Variants in ATP9A observed in about 807,000 individuals in gnomAD.
The protein encoded by ATP9A is probable phospholipid-transporting ATPase IIA.
Under a neutral mutation model 144.1 loss-of-function variants are expected in ATP9A, and 52 were observed. The ratio of observed to expected loss-of-function variants is 0.36; its 90% CI spans 0.29 to 0.45. The LOEUF is 0.45. Among genes scored for constraint, ATP9A ranks in the 20% least tolerant of loss-of-function variants. The pLI is 1.00. For missense variants in ATP9A, 947 were observed against 1,392.7 expected, an observed-to-expected ratio of 0.68 and a Z score of 5.09; for synonymous variants, 582 against 557.4, an observed-to-expected ratio of 1.04 and a Z score of -0.62.
intron 1 of ATP9A, among the ~76,000 whole-genome samples, chr20:51,757,912 AAAG>A (rs2077863510): frequency 6.6e-6 from 1 of 152,156 alleles, no homozygotes; most frequent in African/African-American, 2.4e-5. Context: ...AAAAAAAAAA[AAAG>A]GTTTTAAATG....
chr20:51,761,652 C>T (rs1468584029), intron 1 of ATP9A, among the ~76,000 whole-genome samples: 4 of 151,694 alleles, frequency 2.6e-5, no homozygotes, highest in East Asian at 3.9e-4. Context: ...CCCAGCTACT[C>T]GGGAGGCTGA....
chr20:51,670,003 G>C lies in ATP9A; in HGVS notation c.1287C>G (p.Tyr429Ter), dbSNP rs762957499. The change falls in exon 13 of 28, where the codon TAC (tyrosine) becomes TAG (stop). Residue 429 changes from tyrosine to a stop codon, truncating the protein, a stop_gained. Transcript: ENST00000338821. LOFTEE classifies it high-confidence loss of function. Reference sequence around the variant, plus strand: ...TTGAAATGGAAGGCTTTACCTGGGTGTAAATGCTGAAAATGTGGCTTTGTA... The same window carrying C: ...TTGAAATGGAAGGCTTTACCTGGGTCTAAATGCTGAAAATGTGGCTTTGTA... ...DEVQSHIFSI[Y>*]TQQSQDPPAQ... 1 of 1,612,664 alleles carries C rather than the reference G, an allele frequency of 6.2e-7. No homozygotes were observed. Among genetic ancestry groups the C allele is most frequent in the South Asian group, 1.1e-5 (1 of 91,044 alleles).
chr20:51,707,472 T>A (rs1206546962), intron 4 of ATP9A, among the ~76,000 whole-genome samples: 2 of 152,140 alleles, frequency 1.3e-5, no homozygotes, highest in Non-Finnish European at 2.9e-5. Context: ...CAAGGCACAG[T>A]GCTGAGCTCT....
At chr20:51,746,962 T>G (rs2077811150) in intron 1 of ATP9A, among the ~76,000 whole-genome samples, 1 of 88,878 alleles carries the variant, frequency 1.1e-5, no homozygotes, top group African/African-American at 4.7e-5. Context: ...GCCGAGGTAG[T>G]GCCATTGCAC....
intron 13 of ATP9A, among the ~76,000 whole-genome samples, chr20:51,667,564 G>A (rs2077437891): frequency 6.6e-6 from 1 of 152,178 alleles, no homozygotes; most frequent in African/African-American, 2.4e-5. Context: ...GCTGAAACAT[G>A]GGAAAGGGGA....
chr20:51,756,393 C>T (rs1353365048), intron 1 of ATP9A, among the ~76,000 whole-genome samples: 1 of 151,926 alleles, frequency 6.6e-6, no homozygotes, highest in Non-Finnish European at 1.5e-5. Context: ...TGGGTTAAAG[C>T]AATTCTCCTG....
At chr20:51,656,697 CT>C in intron 14 of ATP9A, among the ~76,000 whole-genome samples, 1 of 152,032 alleles carries the variant, frequency 6.6e-6, no homozygotes, top group Non-Finnish European at 1.5e-5. Context: ...TTATGCTGGC[CT>C]TTTGAGTTAC....
intron 14 of ATP9A, among the ~76,000 whole-genome samples, chr20:51,646,181 G>A (rs938303177): frequency 6.6e-6 from 1 of 152,154 alleles, no homozygotes; most frequent in Non-Finnish European, 1.5e-5. Context: ...GAAACCATCC[G>A]TGAAAGGGCT....
At chr20:51,639,242 T>C in intron 15 of ATP9A, 101 bp downstream of exon 15, 1 of 1,270,136 alleles carries the variant, frequency 7.9e-7, no homozygotes. Flanking sequence ...GGGTGACAGA[T>C]ACCACAGTAA....
intron 15 of ATP9A, among the ~76,000 whole-genome samples, chr20:51,635,027 A>ACC (rs11482446): frequency 4.6e-5 from 7 of 151,808 alleles, no homozygotes; most frequent in East Asian, 2.0e-4. Context: ...TGTGTCAGCC[A>ACC]CCCCCCTGGA....
chr20:51,657,991 A>G (rs983441536), intron 13 of ATP9A, among the ~76,000 whole-genome samples: 10 of 152,214 alleles, frequency 6.6e-5, no homozygotes, highest in African/African-American at 2.4e-4. Flanking sequence ...AACTGGCAAC[A>G]CAGCTCAGCC....
At chr20:51,743,984 G>C (rs2077796585) in intron 1 of ATP9A, among the ~76,000 whole-genome samples, 1 of 150,838 alleles carries the variant, frequency 6.6e-6, no homozygotes, top group Non-Finnish European at 1.5e-5. Flanking sequence ...TCCAGCCTTG[G>C]TGACAGAGTA....
intron 1 of ATP9A, among the ~76,000 whole-genome samples, chr20:51,760,791 G>A (rs2077876986): frequency 2.7e-5 from 4 of 150,608 alleles, no homozygotes; most frequent in Admixed American, 6.6e-5. Flanking sequence ...TTGGGAGGCC[G>A]AGGCAGGCGG....
intron 13 of ATP9A, among the ~76,000 whole-genome samples, chr20:51,658,797 G>A (rs1350017741): frequency 2.0e-5 from 3 of 149,640 alleles, no homozygotes; most frequent in Admixed American, 6.8e-5. Flanking sequence ...CGGGATTACA[G>A]GTGTGAGCCA....
At chr20:51,700,930 C>T (rs2077590808) in intron 4 of ATP9A, among the ~76,000 whole-genome samples, 1 of 152,304 alleles carries the variant, frequency 6.6e-6, no homozygotes, top group African/African-American at 2.4e-5. Flanking sequence ...ACTCTTCTTG[C>T]TCCACTAGGG....
At chr20:51,755,296 G>A (rs896923590) in intron 1 of ATP9A, among the ~76,000 whole-genome samples, 11 of 150,074 alleles carry the variant, frequency 7.3e-5, no homozygotes, top group East Asian at 4.0e-4. Flanking sequence ...ATTAGCTGGC[G>A]TGGTGCCACG....
rs570762651 is a variant in ATP9A, at chr20:51,693,471, A to G, written c.642+537T>C. Among the ~76,000 whole-genome samples, 10 of 152,270 alleles carry G rather than the reference A, an allele frequency of 6.6e-5. No homozygotes were observed. In the South Asian group the frequency reaches 2.1e-3, roughly 32 times the overall value. On this transcript the variant is annotated intron_variant, in intron 7 of 27. Transcript: ENST00000338821. Reference sequence around the variant, plus strand: ...AGCTGAAGACGACAGCAAGCACCGCAGAACTGATTCTCAGTAAGATGAGAA... The same window carrying G: ...AGCTGAAGACGACAGCAAGCACCGCGGAACTGATTCTCAGTAAGATGAGAA...
chr20:51,741,718 C>T (rs576509714), intron 1 of ATP9A, among the ~76,000 whole-genome samples: 2 of 152,348 alleles, frequency 1.3e-5, no homozygotes, highest in South Asian at 4.1e-4. Context: ...CTTCTACCTA[C>T]ACAATTTTGT....
At chr20:51,637,774 G>C (rs906175409) in intron 15 of ATP9A, among the ~76,000 whole-genome samples, 1 of 150,876 alleles carries the variant, frequency 6.6e-6, no homozygotes, top group African/African-American at 2.4e-5. Context: ...TTTTAACAGT[G>C]ATTTATGAGA....
Sources: gnomAD v4.1 joint callset for allele counts (sites outside exome capture counted in the v4.1 genomes callset) on GRCh38, gnomAD v4.1.1 for gene constraint, MANE v1.5 for transcripts, NCBI Gene and HGNC (gene_info 2026-07-23, HGNC 2026-07-21) for gene names.